ITIH4: variants seen among roughly 807,000 people sequenced by gnomAD.
ITIH4 encodes inter-alpha-trypsin inhibitor heavy chain H4.
In ITIH4, 79 loss-of-function variants were observed where a neutral mutation model predicts 111.8. The observed-to-expected ratio is 0.71, with a 90% CI of 0.59 to 0.85. ITIH4 has a LOEUF of 0.85. Among genes scored for constraint, ITIH4 ranks in the 40% least tolerant of loss-of-function variants. The probability of loss-of-function intolerance (pLI) is 0.00; values close to 1 mark genes in which losing one functional copy is unlikely to be tolerated. For synonymous variants in ITIH4, 472 were observed against 468.3 expected (o/e 1.01, Z -0.10); for missense variants, 1,065 against 1,195.8 (o/e 0.89, Z 1.61).
intron 2 of ITIH4, 31 bp from the exon 3 acceptor site, chr3:52,827,228 G>A: frequency 6.4e-7 from 1 of 1,569,472 alleles, no homozygotes; most frequent in Non-Finnish European, 8.8e-7. Context: ...GTTGTTGAGA[G>A]CCTGGTGGCA....
chr3:52,828,296 A>G (rs1015165919), intron 2 of ITIH4, among the ~76,000 whole-genome samples: 3 of 152,188 alleles, frequency 2.0e-5, no homozygotes, highest in Non-Finnish European at 2.9e-5. Context: ...TGGGGCTTGC[A>G]CTGCAAGCTG....
rs781245112 is a variant in ITIH4 at position 52,830,547 on chromosome 3, G to C, written c.90+6C>G. On this transcript the variant is annotated splice_donor_region_variant and intron_variant, in intron 1 of 23. Coordinates refer to ENST00000266041, the MANE Select transcript of ITIH4 (RefSeq NM_002218.5). ...AGCTCACGCCACACCCATGGACACTGGCTACCTTTTCGGCAGTAGTAGTCT... is the reference window on the plus strand; with the variant it reads ...AGCTCACGCCACACCCATGGACACTCGCTACCTTTTCGGCAGTAGTAGTCT... The C allele has an allele frequency of 1.2e-6, 2 of 1,613,700 alleles. No homozygotes were observed. The highest frequency in any genetic ancestry group is 2.2e-5 in the South Asian group (2 of 91,068).
At chr3:52,829,675 C>T (rs1327968855) in intron 1 of ITIH4, among the ~76,000 whole-genome samples, 2 of 152,220 alleles carry the variant, frequency 1.3e-5, no homozygotes, top group Non-Finnish European at 2.9e-5. Flanking sequence ...GGGAGCTTTG[C>T]ATGCTGGCTT....
At chr3:52,820,338 GAGAGAGACAGACAGAC>G (rs1700357950) in intron 13 of ITIH4, 21 bp from the exon 14 acceptor site, 17 of 1,612,540 alleles carry the variant, frequency 1.1e-5, no homozygotes, top group Non-Finnish European at 1.4e-5. Context: ...CAAAGAGAGA[GAGAGAGACAGACAGAC>G]AGAGACACAG....
In ITIH4 at chr3:52,824,144, G is replaced by T. The variant is rs376909882; in HGVS notation, c.1171+46C>A. On this transcript the variant is annotated intron_variant, in intron 9 of 23. Transcript: ENST00000266041. This position sits in a 1 kb window ranked among gnomAD's most constrained non-coding sequence, Gnocchi z 4.3. ...AGCAAGCCCAGGTGCAGCCCCAGCC[G>T]CCTCCCCTGTGCAGCACGTCCTGGA... is the stretch of plus-strand genomic sequence containing the variant. 1.9e-6 allele frequency: 3 copies of T among 1,600,224 alleles called. No homozygotes were observed. In the African/African-American group the frequency reaches 4.0e-5, roughly 21 times the overall value.
chr3:52,818,777 T>C (rs1329414664), intron 17 of ITIH4: 2 of 549,006 alleles, frequency 3.6e-6, no homozygotes, highest in Non-Finnish European at 6.5e-6. Context: ...AAGGGACCTC[T>C]GTTGGCTTTC....
At chr3:52,826,497 G>A in intron 5 of ITIH4, 44 bp downstream of exon 5, 2 of 1,445,106 alleles carry the variant, frequency 1.4e-6, no homozygotes, top group Non-Finnish European at 1.9e-6. Flanking sequence ...TGGCCTGAAG[G>A]CAGGGCCCTT....
chr3:52,818,800 G>A (rs905128326), intron 17 of ITIH4: 26 of 515,088 alleles, frequency 5.0e-5, no homozygotes, highest in Non-Finnish European at 7.3e-5. Flanking sequence ...AACGGAGGAA[G>A]CCCTCCCTTC....
intron 11 of ITIH4, 135 bp from the exon 12 acceptor site, chr3:52,821,265 A>T: frequency 1.9e-5 from 18 of 949,128 alleles, no homozygotes; most frequent in East Asian, 2.7e-5. Context: ...ATTTCCTTTG[A>T]GTGGGGGTAA....
chr3:52,824,503 G>A lies in ITIH4; in HGVS notation c.939C>T (p.Ile313=), dbSNP rs913770042. ...ACTGAGTTGCTTCTGTACTGAAGACGATGAGGTTGAACTGGTCTCTGGGGC... is the reference window on the plus strand; with the variant it reads ...ACTGAGTTGCTTCTGTACTGAAGACAATGAGGTTGAACTGGTCTCTGGGGC... ...DLSPRDQFNL[I]VFSTEATQWR... Residue 313 remains isoleucine (I), a synonymous_variant, in exon 8 of 24, where the codon ATC becomes ATT. Coordinates refer to ENST00000266041, the MANE Select transcript of ITIH4 (RefSeq NM_002218.5). This position sits in a 1 kb window ranked among gnomAD's most constrained non-coding sequence, Gnocchi z 4.3. 6.2e-6 allele frequency: 10 copies of A among 1,614,016 alleles called. No individual in the cohort carries two copies. The highest frequency in any genetic ancestry group is 1.6e-4 in the Middle Eastern group (1 of 6,084).
intron 14 of ITIH4, 73 bp downstream of exon 14, chr3:52,820,218 C>G: frequency 1.2e-6 from 2 of 1,603,988 alleles, no homozygotes; most frequent in Non-Finnish European, 1.7e-6. Flanking sequence ...AGCAACCTCA[C>G]AGGGCTGGTG....
chr3:52,814,775 G>C (rs184518818), intron 21 of ITIH4, among the ~76,000 whole-genome samples: 26 of 152,252 alleles, frequency 1.7e-4, no homozygotes, highest in Admixed American at 1.6e-3. Flanking sequence ...AGAGAGACAG[G>C]GTTTCACCAT....
In ITIH4 at chr3:52,813,337, A is replaced by T. The variant is rs1204941478; in HGVS notation, c.*84T>A. The T allele has an allele frequency of 4.2e-6, 5 of 1,178,292 alleles. No individual in the cohort carries two copies. Among genetic ancestry groups the T allele is most frequent in the Non-Finnish European group, 6.4e-6 (5 of 783,832 alleles). The allele number at this position is 1,178,292 out of a possible 1,614,324, so 73.0% of individuals were successfully genotyped here. On this transcript the variant is annotated 3_prime_UTR_variant, in exon 24 of 24. Coordinates refer to ENST00000266041, the MANE Select transcript of ITIH4 (RefSeq NM_002218.5). ...GTAATGAGTGGGACTCTTCCTCCCCATGGTGGTCCAGGCCCCAGAAGCGGC... is the reference window on the plus strand; with the variant it reads ...GTAATGAGTGGGACTCTTCCTCCCCTTGGTGGTCCAGGCCCCAGAAGCGGC...
rs139719930 is a variant in ITIH4, at chr3:52,825,900, C to T, written c.745G>A (p.Gly249Arg). Residue 249 changes from glycine to arginine, a missense_variant, in exon 6 of 24, where the codon GGG (glycine) becomes AGG (arginine). Coordinates refer to ENST00000266041, the MANE Select transcript of ITIH4 (RefSeq NM_002218.5). ...IRYDVDRAIS[G>R]GSIQIENGYF... ...AGTCCACCCACCTGAATGGAGCCCC[C>T]GGAGATGGCCCGGTCCACATCATAG... The T allele has an allele frequency of 8.7e-6, 14 of 1,613,700 alleles. No homozygotes were observed. The highest frequency in any genetic ancestry group is 6.7e-5 in the Admixed American group (4 of 59,978).
In ITIH4 at chr3:52,823,555, C is replaced by G; in HGVS notation, c.1539+1G>C. On this transcript the variant is annotated splice_donor_variant, in intron 11 of 23. Transcript: ENST00000266041. LOFTEE classifies it high-confidence loss of function. ...TCCAGGGTGGCTTTGGCCACACTCACCAGCTTCCCACTGACTGTGGCTGTG... is the reference window on the plus strand; with the variant it reads ...TCCAGGGTGGCTTTGGCCACACTCAGCAGCTTCCCACTGACTGTGGCTGTG... 1 of 1,600,776 alleles carries G rather than the reference C, an allele frequency of 6.2e-7. No homozygotes were observed. The highest frequency in any genetic ancestry group is 1.3e-5 in the African/African-American group (1 of 74,906).
At chr3:52,826,187 AG>A (rs1410698989) in intron 5 of ITIH4, among the ~76,000 whole-genome samples, 173 bp from the exon 6 acceptor site, 1 of 152,112 alleles carries the variant, frequency 6.6e-6, no homozygotes. Context: ...CACGTAGGGG[AG>A]GGGTGTGATG....
chr3:52,821,039 A>G lies in ITIH4; in HGVS notation c.1631T>C (p.Met544Thr), dbSNP rs770145874. Residue 544 changes from methionine (M) to threonine (T), a missense_variant, in exon 12 of 24, where the codon ATG becomes ACG. Met to Thr is a moderately conservative substitution (Grantham distance 81). Coordinates refer to ENST00000266041, the MANE Select transcript of ITIH4 (RefSeq NM_002218.5). Reference protein sequence around the residue: ...QSPKYIFHNFMERLWAYLTIQ... With the variant: ...QSPKYIFHNFTERLWAYLTIQ... ...AGTCAGGTATGCCCAGAGCCTCTCC[A>G]TGAAGTTGTGGAAGATATACTTGGG... 1.1e-5 allele frequency: 17 copies of G among 1,613,968 alleles called. No individual in the cohort carries two copies. The Admixed American group carries it at 2.2e-4, about 21-fold the overall frequency.
At chr3:52,817,720 G>C (rs1234272241) in intron 20 of ITIH4, among the ~76,000 whole-genome samples, 1 of 152,202 alleles carries the variant, frequency 6.6e-6, no homozygotes, top group African/African-American at 2.4e-5. Context: ...GCTGGTCTCT[G>C]TGCACCCGCC....
chr3:52,825,743 T>A, intron 6 of ITIH4, 143 bp downstream of exon 6: 1 of 873,126 alleles, frequency 1.1e-6, no homozygotes, highest in Non-Finnish European at 1.7e-6. Flanking sequence ...CACAACTAAA[T>A]CACGTGTTTT....
Sources: gnomAD v4.1 joint callset for allele counts (sites outside exome capture counted in the v4.1 genomes callset) on GRCh38, gnomAD v4.1.1 for gene constraint, Gnocchi (gnomAD v3.1) non-coding constraint, MANE v1.5 for transcripts, NCBI Gene and HGNC (gene_info 2026-07-23, HGNC 2026-07-21) for gene names.